The following IRF5 variants were observed in gnomAD, a reference collection of about 807,000 sequenced individuals.
IRF5 encodes interferon regulatory factor 5.
In IRF5, 24 loss-of-function variants were observed where a neutral mutation model predicts 55.1. That is an observed-to-expected ratio of 0.44 (90% CI 0.32 to 0.61). The LOEUF (loss-of-function observed/expected upper bound fraction) is 0.61. Among genes scored for constraint, IRF5 ranks in the 20% least tolerant of loss-of-function variants. IRF5 has a pLI of 0.07. For missense variants in IRF5, 499 were observed against 658.5 expected (o/e 0.76, Z 2.65); for synonymous variants, 258 against 260.2 (o/e 0.99, Z 0.08).
intron 2 of IRF5, among the ~76,000 whole-genome samples, chr7:128,945,562 C>T (rs35000415): frequency 0.09 from 13,719 of 152,226 alleles, 852 homozygotes; most frequent in South Asian, 0.15. Flanking sequence ...ACCCTTATCC[C>T]GCACGCTGTC....
Position 128,948,488 on chromosome 7 carries a change from C to A in IRF5, c.1300-85C>A. ...GAGCCGGAGAATGCGGTCTATTACTCACCCCTGATGGCTGTCCTCATGCAC... is the reference window on the plus strand; with the variant it reads ...GAGCCGGAGAATGCGGTCTATTACTAACCCCTGATGGCTGTCCTCATGCAC... On this transcript the variant is annotated intron_variant, in intron 8 of 8. Coordinates refer to ENST00000357234, the MANE Select transcript of IRF5 (RefSeq NM_001098629.3). The surrounding 1 kb of genome is among the most constrained non-coding windows in gnomAD (Gnocchi z 4.6). 2 of 1,561,852 alleles carry A rather than the reference C, an allele frequency of 1.3e-6. No homozygotes were observed. The highest frequency in any genetic ancestry group is 2.3e-5 in the South Asian group (2 of 85,282).
At chr7:128,943,198 C>T (rs1392679408) in intron 2 of IRF5, 1 of 215,338 alleles carries the variant, frequency 4.6e-6, no homozygotes, top group South Asian at 4.3e-5. Flanking sequence ...CCACAACTGG[C>T]TAATTTTTTG....
rs1386242660 is a variant in IRF5 at position 128,948,135 on chromosome 7, G to A, written c.1180+14G>A. 3 of 1,612,680 alleles carry A rather than the reference G, an allele frequency of 1.9e-6. No individual in the cohort carries two copies. Among genetic ancestry groups the A allele is most frequent in the Non-Finnish European group, 2.5e-6 (3 of 1,178,952 alleles). ...ATTTTCTCAATGGTGAGGGCCCAAA[G>A]CTGTGATCCTCCTGGCTGCCTCTTG... On this transcript the variant is annotated intron_variant, in intron 7 of 8. Transcript: ENST00000357234. This position sits in a 1 kb window ranked among gnomAD's most constrained non-coding sequence, Gnocchi z 4.6.
In IRF5 at chr7:128,948,907, G is replaced by A. The variant is rs1796481104; in HGVS notation, c.*89G>A. On this transcript the variant is annotated 3_prime_UTR_variant, in exon 9 of 9. Coordinates refer to ENST00000357234, the MANE Select transcript of IRF5 (RefSeq NM_001098629.3). The surrounding 1 kb of genome is among the most constrained non-coding windows in gnomAD (Gnocchi z 4.6). Reference sequence around the variant, plus strand: ...TGACAGCCCCGATGAGCACCTGGCTGGCTGCAGGGTCCTACCTCTGGGTTT... The same window carrying A: ...TGACAGCCCCGATGAGCACCTGGCTAGCTGCAGGGTCCTACCTCTGGGTTT... 6.7e-7 allele frequency: 1 copy of A among 1,488,356 alleles called. No individual in the cohort carries two copies. Among genetic ancestry groups the A allele is most frequent in the Non-Finnish European group, 9.0e-7 (1 of 1,105,932 alleles). 92.2% of individuals were successfully genotyped at this position (1,488,356 alleles called of 1,614,324 possible).
intron 1 of IRF5, among the ~76,000 whole-genome samples, chr7:128,941,851 G>C (rs986012631): frequency 2.6e-5 from 4 of 152,188 alleles, no homozygotes; most frequent in African/African-American, 9.7e-5. Flanking sequence ...CTGGGGCCGC[G>C]CCCGCAGCAT....
Position 128,946,781 on chromosome 7 carries a change from T to G in IRF5, c.447+219T>G, listed in dbSNP as rs1796329325. ...CTGTGTGTGTGACCCACGCAGCAGT[T>G]GGGGCTTGGTAGGTCTGACTCCCTG... On this transcript the variant is annotated intron_variant, in intron 4 of 8. Transcript: ENST00000357234. The surrounding 1 kb of genome is among the most constrained non-coding windows in gnomAD (Gnocchi z 4.2). The G allele has an allele frequency of 1.6e-6, 1 of 641,432 alleles. No homozygotes were observed. The allele number at this position is 641,432 out of a possible 1,614,324, so 39.7% of individuals were successfully genotyped here.
Position 128,946,355 on chromosome 7 carries a change from C to T in IRF5, c.386-146C>T. The T allele has an allele frequency of 1.0e-6, 1 of 967,900 alleles. No individual in the cohort carries two copies. Among genetic ancestry groups the T allele is most frequent in the Non-Finnish European group, 1.5e-6 (1 of 653,986 alleles). The allele number at this position is 967,900 out of a possible 1,614,324, so 60.0% of individuals were successfully genotyped here. A position where few individuals can be genotyped will look rare whatever the true frequency, so the allele number is the denominator to read the frequency against. On this transcript the variant is annotated intron_variant, in intron 3 of 8. Coordinates refer to ENST00000357234, the MANE Select transcript of IRF5 (RefSeq NM_001098629.3). This position sits in a 1 kb window ranked among gnomAD's most constrained non-coding sequence, Gnocchi z 4.2. ...GGGAGGTCTTTCCCAATCCTGGTGGCTGTGCCCTCCACCTCGCCCTGTGTT... is the reference window on the plus strand; with the variant it reads ...GGGAGGTCTTTCCCAATCCTGGTGGTTGTGCCCTCCACCTCGCCCTGTGTT...
Position 128,945,920 on chromosome 7 carries a change from C to T in IRF5, c.271C>T (p.Arg91Cys). Residue 91 changes from arginine (R) to cysteine (C), a missense_variant, in exon 3 of 9, where the codon CGC (arginine) becomes TGC (cysteine). Physicochemically the swap from Arg to Cys is radical, Grantham distance 180 (BLOSUM62 -3). This residue lies in a region of IRF5 where 305 missense variants were observed against 340.2 expected (regional missense o/e 0.90). Transcript: ENST00000357234. The part of the protein sequence containing the change: ...ADPAKWKANL[R>C]CALNKSRDFR... ...TCCGGCCAAGTGGAAGGCCAACCTG[C>T]GCTGTGCCCTTAACAAGAGCCGGGA... is the stretch of plus-strand genomic sequence containing the variant. 2 of 1,613,628 alleles carry T rather than the reference C, an allele frequency of 1.2e-6. No homozygotes were observed. The highest frequency in any genetic ancestry group is 1.3e-5 in the African/African-American group (1 of 75,012).
intron 1 of IRF5, among the ~76,000 whole-genome samples, chr7:128,938,970 C>T (rs1795879090): frequency 6.8e-6 from 1 of 148,106 alleles, no homozygotes; most frequent in Middle Eastern, 3.4e-3. Context: ...GTCCAGAGGC[C>T]GACTCTGGAG....
In IRF5 at chr7:128,945,941, C is replaced by T. The variant is rs1796277081; in HGVS notation, c.292C>T (p.Arg98Trp). The change falls in exon 3 of 9, where the codon CGG becomes TGG. Residue 98 changes from arginine (R) to tryptophan (W), a missense_variant. Physicochemically the swap from Arg to Trp is moderately radical, Grantham distance 101 (BLOSUM62 -3). Coordinates refer to ENST00000357234, the MANE Select transcript of IRF5 (RefSeq NM_001098629.3). ...CCTGCGCTGTGCCCTTAACAAGAGC[C>T]GGGACTTCCGCCTCATCTACGACGG... ...ANLRCALNKS[R>W]DFRLIYDGPR... 6.2e-7 allele frequency: 1 copy of T among 1,613,534 alleles called. No individual in the cohort carries two copies. Among genetic ancestry groups the T allele is most frequent in the Non-Finnish European group, 8.5e-7 (1 of 1,179,888 alleles).
rs370832619 is a variant in IRF5, at chr7:128,945,839, C to T, written c.196-6C>T. 3.1e-6 allele frequency: 5 copies of T among 1,601,764 alleles called. No individual in the cohort carries two copies. In the South Asian group the frequency reaches 4.4e-5, roughly 14 times the overall value. ...CTCTGTGGTCGGCTATTTCTTCCTG[C>T]CCCAGGCCTGGGCCAAGGAGACAGG... is the stretch of plus-strand genomic sequence containing the variant. On this transcript the variant is annotated splice_region_variant and splice_polypyrimidine_tract_variant and intron_variant, in intron 2 of 8. Coordinates refer to ENST00000357234, the MANE Select transcript of IRF5 (RefSeq NM_001098629.3).
Position 128,947,699 on chromosome 7 carries a change from G to A in IRF5, c.788-30G>A. ...AGAATGGGGAGGCGTGGGGCTCAAG[G>A]ACGGGATGGGCCTGCCTTCTGCCCC... On this transcript the variant is annotated intron_variant, in intron 6 of 8. Transcript: ENST00000357234. This position sits in a 1 kb window ranked among gnomAD's most constrained non-coding sequence, Gnocchi z 6.5. 2 of 1,564,264 alleles carry A rather than the reference G, an allele frequency of 1.3e-6. No individual in the cohort carries two copies. Among genetic ancestry groups the A allele is most frequent in the Non-Finnish European group, 1.7e-6 (2 of 1,159,398 alleles).
chr7:128,947,714 C>T lies in IRF5; in HGVS notation c.788-15C>T. 7 of 1,587,286 alleles carry T rather than the reference C, an allele frequency of 4.4e-6. No homozygotes were observed. Among genetic ancestry groups the T allele is most frequent in the Admixed American group, 1.7e-5 (1 of 58,430 alleles). On this transcript the variant is annotated splice_polypyrimidine_tract_variant and intron_variant, in intron 6 of 8. Coordinates refer to ENST00000357234, the MANE Select transcript of IRF5 (RefSeq NM_001098629.3). This position sits in a 1 kb window ranked among gnomAD's most constrained non-coding sequence, Gnocchi z 6.5. ...GGGGCTCAAGGACGGGATGGGCCTGCCTTCTGCCCCACAGTGACCGACCTG... is the reference window on the plus strand; with the variant it reads ...GGGGCTCAAGGACGGGATGGGCCTGTCTTCTGCCCCACAGTGACCGACCTG...
chr7:128,949,730 T>C lies in IRF5; in HGVS notation c.*912T>C, dbSNP rs927291772. 6.6e-6 allele frequency: 1 copy of C among 152,224 alleles called. No homozygotes were observed. The highest frequency in any genetic ancestry group is 2.4e-5 in the African/African-American group (1 of 41,446). 9.4% of individuals were successfully genotyped at this position (152,224 alleles called of 1,614,324 possible). Reference sequence around the variant, plus strand: ...CAAATCTGTCACTCTCTTGTGTATATTCCTGTGCTATTAAATATATCAGGG... The same window carrying C: ...CAAATCTGTCACTCTCTTGTGTATACTCCTGTGCTATTAAATATATCAGGG... On this transcript the variant is annotated 3_prime_UTR_variant, in exon 9 of 9. Coordinates refer to ENST00000357234, the MANE Select transcript of IRF5 (RefSeq NM_001098629.3).
chr7:128,947,678 TGG>T lies in IRF5; in HGVS notation c.788-48_788-47del. ...TGGGCCTGGCCACTGGGCTGCAGAATGGGGAGGCGTGGGGCTCAAGGACGGGA... is the reference window on the plus strand; with the variant it reads ...TGGGCCTGGCCACTGGGCTGCAGAATGGAGGCGTGGGGCTCAAGGACGGGA... On this transcript the variant is annotated intron_variant, in intron 6 of 8. Transcript: ENST00000357234. This position sits in a 1 kb window ranked among gnomAD's most constrained non-coding sequence, Gnocchi z 6.5. 1 of 1,530,084 alleles carries T rather than the reference TGG, an allele frequency of 6.5e-7. No individual in the cohort carries two copies. The highest frequency in any genetic ancestry group is 1.4e-5 in the African/African-American group (1 of 73,412). 94.8% of individuals were successfully genotyped at this position (1,530,084 alleles called of 1,614,324 possible). A position where few individuals can be genotyped will look rare whatever the true frequency, so the allele number is the denominator to read the frequency against.
At position 128,946,812 on chromosome 7, in the gene IRF5, G is replaced by A; in HGVS notation, c.448-211G>A. ...TTGGTAGGTCTGACTCCCTGCAGAA[G>A]GCAAATGAGGAAAGTGAGGCAAAGG... is the stretch of plus-strand genomic sequence containing the variant. On this transcript the variant is annotated intron_variant, in intron 4 of 8. Transcript: ENST00000357234. This position sits in a 1 kb window ranked among gnomAD's most constrained non-coding sequence, Gnocchi z 4.2. 3.0e-6 allele frequency: 2 copies of A among 673,280 alleles called. No homozygotes were observed. The highest frequency in any genetic ancestry group is 5.2e-6 in the Non-Finnish European group (2 of 382,370). 41.7% of individuals were successfully genotyped at this position (673,280 alleles called of 1,614,324 possible). A position where few individuals can be genotyped will look rare whatever the true frequency, so the allele number is the denominator to read the frequency against.
chr7:128,944,959 T>C (rs957206905), intron 2 of IRF5, among the ~76,000 whole-genome samples: 9 of 152,226 alleles, frequency 5.9e-5, no homozygotes, highest in African/African-American at 2.2e-4. Context: ...ATATTTAGGA[T>C]GAATTCCTAG....
chr7:128,943,452 A>G (rs889344625), intron 2 of IRF5, among the ~76,000 whole-genome samples: 1 of 149,240 alleles, frequency 6.7e-6, no homozygotes, highest in East Asian at 2.0e-4. Context: ...GTGCAGTCAT[A>G]GCACAACCTC....
chr7:128,948,767 C>A lies in IRF5; in HGVS notation c.1494C>A (p.Gly498=), dbSNP rs1259570714. The A allele has an allele frequency of 6.2e-7, 1 of 1,611,090 alleles. No individual in the cohort carries two copies. Among genetic ancestry groups the A allele is most frequent in the South Asian group, 1.1e-5 (1 of 91,088 alleles). Residue 498 remains glycine (G), a synonymous_variant, in exon 9 of 9, where the codon GGC becomes GGA. Coordinates refer to ENST00000357234, the MANE Select transcript of IRF5 (RefSeq NM_001098629.3). The surrounding 1 kb of genome is among the most constrained non-coding windows in gnomAD (Gnocchi z 4.6). Reference sequence around the variant, plus strand: ...TGGCCCAGGCCCCTCCTGGAGCAGGCCTTGGTGTTGGCCAGGGGCCCTGGC... The same window carrying A: ...TGGCCCAGGCCCCTCCTGGAGCAGGACTTGGTGTTGGCCAGGGGCCCTGGC... ...QPVAQAPPGA[G]LGVGQGPWPM...
Sources: allele counts gnomAD v4.1 joint callset (sites outside exome capture counted in the v4.1 genomes callset), GRCh38; gene constraint gnomAD v4.1.1; regional missense constraint gnomAD v4.1.1; non-coding constraint Gnocchi (gnomAD v3.1); transcripts MANE v1.5; gene names NCBI Gene and HGNC (gene_info 2026-07-23, HGNC 2026-07-21).